Variants in DPYD observed in about 807,000 individuals in gnomAD.
DPYD encodes the protein dihydropyrimidine dehydrogenase [NADP(+)].
DPYD carries 109 observed loss-of-function variants against 116.2 expected under a neutral mutation model. That is an observed-to-expected ratio of 0.94 (90% CI 0.80 to 1.10). DPYD has a LOEUF of 1.10. Among genes scored for constraint, DPYD ranks in the 50% least tolerant of loss-of-function variants. The pLI, the probability that DPYD is intolerant of heterozygous loss-of-function variation, is 0.00. For missense variants in DPYD, 1,302 were observed against 1,254.5 expected (o/e 1.04, Z -0.57); for synonymous variants, 440 against 432.0 (o/e 1.02, Z -0.23).
chr1:97,393,296 T>C (rs1354769520), intron 14 of DPYD, among the ~76,000 whole-genome samples: 1 of 151,922 alleles, frequency 6.6e-6, no homozygotes, highest in Non-Finnish European at 1.5e-5. Context: ...ATTTTCTTTT[T>C]TTTTTAAATT....
chr1:97,421,052 C>A (rs1674554261), intron 14 of DPYD, among the ~76,000 whole-genome samples: 1 of 152,140 alleles, frequency 6.6e-6, no homozygotes, highest in Non-Finnish European at 1.5e-5. Flanking sequence ...GTATTTAGCA[C>A]AGACTCTGAT....
intron 14 of DPYD, among the ~76,000 whole-genome samples, chr1:97,393,790 C>A (rs1300399644): frequency 6.6e-6 from 1 of 152,020 alleles, no homozygotes; most frequent in Non-Finnish European, 1.5e-5. Flanking sequence ...GATTTATAAT[C>A]CTTTGGGTAT....
At chr1:97,331,842 T>C (rs1669025047) in intron 16 of DPYD, among the ~76,000 whole-genome samples, 2 of 151,716 alleles carry the variant, frequency 1.3e-5, no homozygotes, top group Admixed American at 1.3e-4. Flanking sequence ...AGAAAATAAC[T>C]TTAAAATTCC....
intron 19 of DPYD, among the ~76,000 whole-genome samples, chr1:97,231,425 G>A (rs2100735622): frequency 6.6e-6 from 1 of 152,286 alleles, no homozygotes; most frequent in Admixed American, 6.5e-5. Flanking sequence ...CCACATGGCT[G>A]GGGAAGCCTC....
chr1:97,078,956 C>T lies in DPYD; in HGVS notation c.*20G>A. 6.2e-7 allele frequency: 1 copy of T among 1,613,344 alleles called. No individual in the cohort carries two copies. Among genetic ancestry groups the T allele is most frequent in the Non-Finnish European group, 8.5e-7 (1 of 1,179,416 alleles). On this transcript the variant is annotated 3_prime_UTR_variant, in exon 23 of 23. Transcript: ENST00000370192. ...ATGTAGGTGACATGAAAGTTCACAGCAACTGTTTCACAAATCACCTTAACA... is the reference window on the plus strand; with the variant it reads ...ATGTAGGTGACATGAAAGTTCACAGTAACTGTTTCACAAATCACCTTAACA...
chr1:97,266,405 A>C (rs78970785), intron 18 of DPYD, among the ~76,000 whole-genome samples: 2 of 152,234 alleles, frequency 1.3e-5, no homozygotes, highest in South Asian at 4.1e-4. Context: ...TCTAATATCA[A>C]TTAAACAAAT....
chr1:97,107,757 TCTGTGCTATCCTGCCA>T (rs1651279595), intron 20 of DPYD, among the ~76,000 whole-genome samples: 1 of 152,150 alleles, frequency 6.6e-6, no homozygotes. Context: ...CCTGATAGAC[TCTGTGCTATCCTGCCA>T]CTCATACTTC....
intron 14 of DPYD, among the ~76,000 whole-genome samples, chr1:97,444,080 G>A (rs1675945660): frequency 6.6e-6 from 1 of 152,182 alleles, no homozygotes; most frequent in African/African-American, 2.4e-5. Flanking sequence ...CTACATCCTT[G>A]CAAAGCATTA....
chr1:97,308,282 T>C (rs1667283595), intron 16 of DPYD: 1 of 151,698 alleles, frequency 6.6e-6, no homozygotes, highest in Non-Finnish European at 1.5e-5. Flanking sequence ...ACTTGAATCA[T>C]CTGTCTCTAT....
At chr1:97,443,239 T>C (rs1165141179) in intron 14 of DPYD, among the ~76,000 whole-genome samples, 2 of 152,160 alleles carry the variant, frequency 1.3e-5, no homozygotes, top group Non-Finnish European at 2.9e-5. Context: ...ATATATTCTC[T>C]TTTTTTGTAA....
intron 6 of DPYD, among the ~76,000 whole-genome samples, chr1:97,698,088 A>G (rs957973618): frequency 1.9e-4 from 29 of 152,052 alleles, no homozygotes; most frequent in African/African-American, 6.5e-4. Flanking sequence ...TATATAGGAC[A>G]TTTTACTTTC....
At chr1:97,424,143 C>T (rs1001617136) in intron 14 of DPYD, among the ~76,000 whole-genome samples, 24 of 152,026 alleles carry the variant, frequency 1.6e-4, no homozygotes, top group African/African-American at 5.8e-4. Flanking sequence ...ACATTAAAAG[C>T]TGTTCATAAG....
chr1:97,751,460 G>GTGTGTATATATATATATATATA (rs763260651), intron 3 of DPYD, among the ~76,000 whole-genome samples: 16 of 21,282 alleles, frequency 7.5e-4, no homozygotes, highest in Non-Finnish European at 1.1e-3. Context: ...GTGTGTGTGT[G>GTGTGTATATATATATATATATA]TATATATATA....
At chr1:97,243,302 T>C (rs1219777899) in intron 18 of DPYD, among the ~76,000 whole-genome samples, 1 of 152,004 alleles carries the variant, frequency 6.6e-6, no homozygotes, top group Non-Finnish European at 1.5e-5. Context: ...AGATTAAATA[T>C]GTTAAATATA....
At chr1:97,663,937 G>A (rs987228970) in intron 8 of DPYD, among the ~76,000 whole-genome samples, 1 of 152,084 alleles carries the variant, frequency 6.6e-6, no homozygotes, top group Non-Finnish European at 1.5e-5. Flanking sequence ...ATGTAAGTGA[G>A]CAAAATTTTT....
At chr1:97,250,519 T>C (rs999534220) in intron 18 of DPYD, among the ~76,000 whole-genome samples, 1 of 152,114 alleles carries the variant, frequency 6.6e-6, no homozygotes, top group African/African-American at 2.4e-5. Flanking sequence ...AATAAACACA[T>C]TTTGGTCAAT....
At chr1:97,440,978 T>C (rs1675761306) in intron 14 of DPYD, among the ~76,000 whole-genome samples, 1 of 152,232 alleles carries the variant, frequency 6.6e-6, no homozygotes, top group African/African-American at 2.4e-5. Flanking sequence ...ATTCGTCCTT[T>C]TCTTTCAGTA....
intron 20 of DPYD, among the ~76,000 whole-genome samples, chr1:97,190,964 C>T (rs1235376957): frequency 6.6e-6 from 1 of 152,068 alleles, no homozygotes; most frequent in Non-Finnish European, 1.5e-5. Flanking sequence ...CATTTTCTCT[C>T]ATCTTCCTAT....
At chr1:97,253,695 T>C (rs1297191643) in intron 18 of DPYD, among the ~76,000 whole-genome samples, 1 of 152,130 alleles carries the variant, frequency 6.6e-6, no homozygotes, top group African/African-American at 2.4e-5. Flanking sequence ...TCCTTGTAAT[T>C]AGAGACAGGG....
Sources: gnomAD v4.1 joint callset for allele counts (sites outside exome capture counted in the v4.1 genomes callset) on GRCh38, gnomAD v4.1.1 for gene constraint, MANE v1.5 for transcripts, NCBI Gene and HGNC (gene_info 2026-07-23, HGNC 2026-07-21) for gene names.